The following CDH13 variants were observed in gnomAD, a reference collection of about 807,000 sequenced individuals.
CDH13 encodes the protein cadherin 13.
A neutral mutation model predicts 63.8 loss-of-function variants in CDH13; 24 were observed. That is an observed-to-expected ratio of 0.38 (90% CI 0.27 to 0.53). CDH13 has a LOEUF of 0.53. Ranked by LOEUF, CDH13 falls within the 20% of genes least tolerant of loss-of-function variation. The probability of loss-of-function intolerance (pLI) is 0.85; values close to 1 mark genes in which losing one functional copy is unlikely to be tolerated. For missense variants in CDH13, 1,049 were observed against 903.1 expected (o/e 1.16, Z -2.07); for synonymous variants, 503 against 355.3 (o/e 1.42, Z -4.67).
chr16:82,841,687 A>T (rs1597769129), intron 1 of CDH13, among the ~76,000 whole-genome samples: 1 of 152,100 alleles, frequency 6.6e-6, no homozygotes, highest in Non-Finnish European at 1.5e-5. Context: ...CTTATTACAA[A>T]ATTTCACTCT....
intron 6 of CDH13, among the ~76,000 whole-genome samples, chr16:83,381,412 A>G (rs930539244): frequency 6.6e-6 from 1 of 152,032 alleles, no homozygotes; most frequent in African/African-American, 2.4e-5. Context: ...GCCAACAGTG[A>G]CTTTCAGTGT....
At chr16:83,453,865 C>A (rs535999584) in intron 6 of CDH13, among the ~76,000 whole-genome samples, 15 of 152,336 alleles carry the variant, frequency 9.8e-5, no homozygotes, top group South Asian at 8.3e-4. Context: ...CTGATAATGA[C>A]CCTGCCTTTG....
At chr16:83,420,564 T>C (rs753459282) in intron 6 of CDH13, among the ~76,000 whole-genome samples, 3 of 152,192 alleles carry the variant, frequency 2.0e-5, no homozygotes, top group Non-Finnish European at 4.4e-5. Context: ...ACGTACCGAT[T>C]AAATTACCAG....
In CDH13 at chr16:82,889,919, T is replaced by C. The variant is rs796595813; in HGVS notation, c.157+31446T>C. Among the ~76,000 whole-genome samples, 6 of 152,248 alleles carry C rather than the reference T, an allele frequency of 3.9e-5. No individual in the cohort carries two copies. In the East Asian group the frequency reaches 5.8e-4, roughly 15 times the overall value. On this transcript the variant is annotated intron_variant, in intron 2 of 13. Coordinates refer to ENST00000567109, the MANE Select transcript of CDH13 (RefSeq NM_001257.5). Reference sequence around the variant, plus strand: ...GAGAGTATAGACTCTTCTTTGGAAATTGGCATGGGCCACAGACCTCCATAG... The same window carrying C: ...GAGAGTATAGACTCTTCTTTGGAAACTGGCATGGGCCACAGACCTCCATAG...
chr16:82,650,289 G>C (rs977212320), intron 1 of CDH13, among the ~76,000 whole-genome samples: 7 of 152,202 alleles, frequency 4.6e-5, no homozygotes, highest in African/African-American at 1.7e-4. Flanking sequence ...CAATAAAGCA[G>C]AGTTAGAAGG....
chr16:83,332,728 G>T (rs890463034), intron 5 of CDH13, among the ~76,000 whole-genome samples: 2 of 152,092 alleles, frequency 1.3e-5, no homozygotes, highest in Admixed American at 6.6e-5. Context: ...ACCTCTTGAG[G>T]CAGAGGATAT....
At chr16:83,269,364 A>G (rs776678785) in intron 5 of CDH13, among the ~76,000 whole-genome samples, 1 of 152,238 alleles carries the variant, frequency 6.6e-6, no homozygotes, top group Non-Finnish European at 1.5e-5. Flanking sequence ...TTACTGCTGT[A>G]TGCATCATAA....
intron 8 of CDH13, among the ~76,000 whole-genome samples, chr16:83,651,602 T>TC (rs1416885197): frequency 1.4e-5 from 2 of 142,030 alleles, no homozygotes; most frequent in Non-Finnish European, 3.1e-5. Context: ...TTTTTTTTTT[T>TC]TTTTTTTTTT....
chr16:83,112,238 C>T (rs977955050), intron 3 of CDH13, among the ~76,000 whole-genome samples: 7 of 152,188 alleles, frequency 4.6e-5, no homozygotes, highest in Non-Finnish European at 5.9e-5. Context: ...TTAGGGCAGG[C>T]TAATTACTCT....
At chr16:82,960,804 AT>A (rs145285775) in intron 2 of CDH13, among the ~76,000 whole-genome samples, 52 of 152,106 alleles carry the variant, frequency 3.4e-4, no homozygotes, top group African/African-American at 1.2e-3. Flanking sequence ...CAAGGTCGTA[AT>A]TTTTTTTAAT....
chr16:83,718,773 A>G (rs558289096), intron 10 of CDH13, among the ~76,000 whole-genome samples: 4 of 152,206 alleles, frequency 2.6e-5, no homozygotes, highest in African/African-American at 4.8e-5. Context: ...AGCTATTTCA[A>G]CATTTTCCTT....
intron 1 of CDH13, among the ~76,000 whole-genome samples, chr16:82,652,028 G>C (rs1910777527): frequency 6.6e-6 from 1 of 152,204 alleles, no homozygotes. Context: ...TTCTCATTTT[G>C]AAAGAAACAA....
intron 8 of CDH13, among the ~76,000 whole-genome samples, chr16:83,615,949 A>G (rs1909245965): frequency 6.6e-6 from 1 of 152,216 alleles, no homozygotes; most frequent in Non-Finnish European, 1.5e-5. Flanking sequence ...AGACCATAGG[A>G]AGACACGAAA....
intron 10 of CDH13, among the ~76,000 whole-genome samples, chr16:83,685,270 A>G (rs879034901): frequency 6.6e-6 from 1 of 152,210 alleles, no homozygotes; most frequent in Non-Finnish European, 1.5e-5. Context: ...TCACTAAGGA[A>G]GAAAGGAAGA....
At position 82,928,643 on chromosome 16, in the gene CDH13, G is replaced by A. The variant is rs946822946; in HGVS notation, c.157+70170G>A. Among the ~76,000 whole-genome samples the A allele has an allele frequency of 3.3e-5, 5 of 152,186 alleles. 1 individual carries two copies. The highest frequency in any genetic ancestry group is 1.5e-5 in the Non-Finnish European group (1 of 68,028). The stretch of plus-strand genomic sequence containing the variant: ...ACATAAATAAATAAGAATTGTCCAA[G>A]GTAAGAGTTGTGTAGGCTCTGTAAA... On this transcript the variant is annotated intron_variant, in intron 2 of 13. Transcript: ENST00000567109.
intron 1 of CDH13, among the ~76,000 whole-genome samples, chr16:82,725,603 A>T (rs147901832): frequency 5.3e-5 from 8 of 152,232 alleles, no homozygotes; most frequent in Non-Finnish European, 8.8e-5. Context: ...AATGAATGCT[A>T]GATATCCTCA....
chr16:83,136,806 A>T (rs973094921), intron 4 of CDH13, among the ~76,000 whole-genome samples: 8 of 152,148 alleles, frequency 5.3e-5, no homozygotes, highest in African/African-American at 1.4e-4. Context: ...CCAGATTCGT[A>T]GGAGTGGTCT....
At chr16:83,658,108 A>AG (rs1913053845) in intron 8 of CDH13, among the ~76,000 whole-genome samples, 2 of 125,132 alleles carry the variant, frequency 1.6e-5, no homozygotes, top group South Asian at 3.1e-4. Context: ...TATCCTCACC[A>AG]CCAGGTGCCA....
intron 2 of CDH13, among the ~76,000 whole-genome samples, chr16:82,923,186 A>G (rs950109898): frequency 2.0e-5 from 3 of 152,198 alleles, no homozygotes; most frequent in African/African-American, 7.2e-5. Flanking sequence ...AAATGCAATA[A>G]AGGGAAGCAT....
Sources: gnomAD v4.1 joint callset for allele counts (sites outside exome capture counted in the v4.1 genomes callset) on GRCh38, gnomAD v4.1.1 for gene constraint, MANE v1.5 for transcripts, NCBI Gene and HGNC (gene_info 2026-07-23, HGNC 2026-07-21) for gene names.